The following ENTREP3 variants were observed in gnomAD, a reference collection of about 807,000 sequenced individuals.
ENTREP3 encodes protein ENTREP3.
chr1:155,254,067 C>A, the ENTREP3 span: 2 of 1,613,846 alleles, frequency 1.2e-6, no homozygotes, highest in Non-Finnish European at 1.7e-6. This position sits in a 1 kb window ranked among gnomAD's most constrained non-coding sequence, Gnocchi z 4.4. Context: ...TTCCAGCTCT[C>A]CCTCCTCAAA....
At chr1:155,251,102 A>G in the ENTREP3 span, 1 of 1,612,472 alleles carries the variant, frequency 6.2e-7, no homozygotes, top group African/African-American at 1.3e-5. Flanking sequence ...CACCGTCTAC[A>G]ATGGAGGCCA....
the ENTREP3 span, chr1:155,252,717 TA>T: frequency 1.8e-3 from 109 of 62,244 alleles, no homozygotes; most frequent in Non-Finnish European, 2.5e-3. Flanking sequence ...TATATATATA[TA>T]TATATTTTTT....
chr1:155,252,001 G>T, the ENTREP3 span: 1 of 893,546 alleles, frequency 1.1e-6, no homozygotes, highest in African/African-American at 1.8e-5. Context: ...TATTTTTTCT[G>T]GCCCTATCCC....
the ENTREP3 span, chr1:155,251,452 A>G: frequency 7.3e-7 from 1 of 1,375,286 alleles, no homozygotes; most frequent in Admixed American, 1.8e-5. Context: ...TCAGCTTTCC[A>G]GGCTACAACC....
chr1:155,247,488 G>C, the ENTREP3 span: 1 of 659,438 alleles, frequency 1.5e-6, no homozygotes, highest in Non-Finnish European at 2.8e-6. Context: ...AAATCAGAAA[G>C]AGCCACTCTC....
At chr1:155,248,172 G>A in the ENTREP3 span, 1 of 1,613,532 alleles carries the variant, frequency 6.2e-7, no homozygotes, top group South Asian at 1.1e-5. Flanking sequence ...GAGTGGGCAG[G>A]TGCAGGGCCC....
chr1:155,252,296 C>A, the ENTREP3 span, among the ~76,000 whole-genome samples: 11 of 151,960 alleles, frequency 7.2e-5, no homozygotes, highest in Non-Finnish European at 1.6e-4. Context: ...CTCCCAAGAT[C>A]AAGCAATTCC....
chr1:155,252,705 TATATATATATA>T, the ENTREP3 span: 1 of 52,774 alleles, frequency 1.9e-5, no homozygotes. Context: ...TATATATATA[TATATATATATA>T]TATATATTTT....
the ENTREP3 span, chr1:155,247,798 C>T: frequency 2.8e-5 from 41 of 1,463,480 alleles, no homozygotes; most frequent in Non-Finnish European, 3.3e-5. Context: ...CCCAGTCTCC[C>T]GGCTGCCCCC....
the ENTREP3 span, chr1:155,250,772 A>G: frequency 6.2e-7 from 1 of 1,611,620 alleles, no homozygotes; most frequent in Non-Finnish European, 8.5e-7. The surrounding 1 kb of genome is among the most constrained non-coding windows in gnomAD (Gnocchi z 5.4). Context: ...TAGAGCCCCC[A>G]GGGAGGTCAC....
the ENTREP3 span, chr1:155,247,717 G>A: frequency 4.3e-6 from 6 of 1,395,342 alleles, no homozygotes; most frequent in Admixed American, 5.3e-5. Flanking sequence ...AGGATGCTGG[G>A]GGCTGCTGGT....
At chr1:155,248,121 C>T in the ENTREP3 span, 4 of 1,614,010 alleles carry the variant, frequency 2.5e-6, no homozygotes, top group African/African-American at 4.0e-5. Context: ...AAACGAGTGA[C>T]CAGGCCCCGA....
chr1:155,250,717 G>A, the ENTREP3 span: 3 of 1,612,868 alleles, frequency 1.9e-6, no homozygotes, highest in African/African-American at 4.0e-5. The surrounding 1 kb of genome is among the most constrained non-coding windows in gnomAD (Gnocchi z 5.4). Context: ...TCCACGGAGC[G>A]CACGGAGCCC....
the ENTREP3 span, chr1:155,247,643 T>A: frequency 1.2e-6 from 1 of 823,138 alleles, no homozygotes; most frequent in Non-Finnish European, 2.0e-6. Context: ...ACCCCAGAGG[T>A]AGGAGGGAAA....
chr1:155,249,190 C>T, the ENTREP3 span, among the ~76,000 whole-genome samples: 1 of 151,894 alleles, frequency 6.6e-6, no homozygotes, highest in Non-Finnish European at 1.5e-5. Flanking sequence ...CAGGTTCAAG[C>T]GATTCTCCTG....
chr1:155,254,910 C>T, the ENTREP3 span: 2 of 1,516,494 alleles, frequency 1.3e-6, no homozygotes, highest in Middle Eastern at 2.3e-4. This position sits in a 1 kb window ranked among gnomAD's most constrained non-coding sequence, Gnocchi z 4.4. Context: ...CCTCGCTCGG[C>T]CCTCCCTGGC....
chr1:155,247,563 A>C, the ENTREP3 span: 1 of 714,396 alleles, frequency 1.4e-6, no homozygotes, highest in Non-Finnish European at 2.6e-6. Flanking sequence ...TCTCCCCCAC[A>C]GTCTAAATAC....
the ENTREP3 span, chr1:155,254,464 C>T: frequency 6.2e-7 from 1 of 1,614,188 alleles, no homozygotes; most frequent in Non-Finnish European, 8.5e-7. The surrounding 1 kb of genome is among the most constrained non-coding windows in gnomAD (Gnocchi z 4.4). Context: ...CAGCTGGGGA[C>T]AGAGTGGGCA....
chr1:155,249,570 C>A, the ENTREP3 span, among the ~76,000 whole-genome samples: 1 of 151,732 alleles, frequency 6.6e-6, no homozygotes, highest in East Asian at 2.0e-4. Context: ...AGGGTGAAAC[C>A]CTGTCTCTAC....
Sources: gnomAD v4.1 joint callset for allele counts (sites outside exome capture counted in the v4.1 genomes callset) on GRCh38, gnomAD v4.1.1 for gene constraint, Gnocchi (gnomAD v3.1) non-coding constraint, MANE v1.5 for transcripts, NCBI Gene and HGNC (gene_info 2026-07-23, HGNC 2026-07-21) for gene names.